Variants in GCA observed in about 807,000 individuals in gnomAD.
GCA encodes grancalcin, EF-hand calcium-binding protein.
GCA carries 30 observed loss-of-function variants against 32.6 expected under a neutral mutation model. The observed-to-expected ratio is 0.92, with a 90% confidence interval of 0.69 to 1.25. GCA has a LOEUF of 1.25. Among genes scored for constraint, GCA ranks in the 50% most tolerant of loss-of-function variants. GCA has a pLI of 0.00. For synonymous variants in GCA, 102 were observed against 84.6 expected (o/e 1.21, Z -1.13); for missense variants, 291 against 266.8 (o/e 1.09, Z -0.63).
intron 1 of GCA, among the ~76,000 whole-genome samples, chr2:162,334,346 CT>C (rs1339422955): frequency 3.3e-5 from 5 of 151,876 alleles, no homozygotes; most frequent in Admixed American, 1.3e-4. Context: ...ATAATTTCAA[CT>C]TAAAAAACAT....
At chr2:162,371,960 G>A (rs1221178953), downstream of GCA, 1 of 1,613,848 alleles carries the variant, frequency 6.2e-7, no homozygotes, top group Non-Finnish European at 8.5e-7. Flanking sequence ...CGCAGGTGAA[G>A]CTCTAAAGAG....
intron 1 of GCA, among the ~76,000 whole-genome samples, chr2:162,321,111 G>T (rs1231002745): frequency 6.6e-6 from 1 of 152,114 alleles, no homozygotes; most frequent in African/African-American, 2.4e-5. Flanking sequence ...GAGAAAGGAG[G>T]TTAAGGAAAC....
chr2:162,344,222 A>G lies in GCA; in HGVS notation c.-27A>G, dbSNP rs763539843. ...GCACTGCGGACGCGACTCGAGGGTG[A>G]CGCTCGCTCCGCTCGTCCCGCTCGT... On this transcript the variant is annotated 5_prime_UTR_variant, in exon 1 of 8. Transcript: ENST00000437150. 1 of 1,613,426 alleles carries G rather than the reference A, an allele frequency of 6.2e-7. No homozygotes were observed. Among genetic ancestry groups the G allele is most frequent in the African/African-American group, 1.3e-5 (1 of 74,898 alleles).
intron 5 of GCA, among the ~76,000 whole-genome samples, chr2:162,358,153 A>G (rs1237704826): frequency 6.6e-6 from 1 of 151,510 alleles, no homozygotes; most frequent in African/African-American, 2.4e-5. Flanking sequence ...CAAGTCTACA[A>G]ATCCAGTAAT....
At chr2:162,341,835 T>C (rs1684464021), upstream of GCA, among the ~76,000 whole-genome samples, 3 of 152,218 alleles carry the variant, frequency 2.0e-5, no homozygotes, top group South Asian at 2.1e-4. Context: ...CAACTGCATT[T>C]GTGGGTAGTG....
chr2:162,373,025 T>C (rs1284946199), downstream of GCA, among the ~76,000 whole-genome samples: 8 of 152,132 alleles, frequency 5.3e-5, no homozygotes, highest in East Asian at 1.4e-3. Flanking sequence ...CTACTATTTC[T>C]CCTCCCCTTC....
intron 3 of GCA, among the ~76,000 whole-genome samples, chr2:162,354,028 C>T (rs1378907305): frequency 6.6e-6 from 1 of 151,994 alleles, no homozygotes; most frequent in African/African-American, 2.4e-5. Context: ...TGATATTGTC[C>T]CTTATCTCTC....
chr2:162,374,320 T>G (rs758492305), downstream of GCA, among the ~76,000 whole-genome samples: 2 of 152,208 alleles, frequency 1.3e-5, no homozygotes, highest in Non-Finnish European at 2.9e-5. Context: ...AATACCAGTT[T>G]ATTTTTTCCC....
chr2:162,330,967 T>A (rs905680925), intron 1 of GCA, among the ~76,000 whole-genome samples: 3 of 152,222 alleles, frequency 2.0e-5, no homozygotes, highest in Non-Finnish European at 4.4e-5. Context: ...TTTTATTTAG[T>A]ATATATTGTT....
downstream of GCA, chr2:162,371,815 A>G: frequency 6.2e-7 from 1 of 1,602,726 alleles, no homozygotes; most frequent in Non-Finnish European, 8.5e-7. Flanking sequence ...TGTGGAGTAA[A>G]TAGTACAAAA....
upstream of GCA, chr2:162,343,939 A>G (rs1199642132): frequency 1.9e-5 from 7 of 376,090 alleles, no homozygotes; most frequent in African/African-American, 1.0e-4. Flanking sequence ...GGAGCCAGTA[A>G]GAGTCGAGCA....
intron 3 of GCA, among the ~76,000 whole-genome samples, chr2:162,354,318 T>C (rs977408512): frequency 9.2e-5 from 14 of 152,212 alleles, no homozygotes; most frequent in Non-Finnish European, 2.1e-4. Flanking sequence ...GATTCCCTTT[T>C]GGACTGGGTT....
At chr2:162,353,293 C>T (rs1685093891) in intron 3 of GCA, among the ~76,000 whole-genome samples, 2 of 152,104 alleles carry the variant, frequency 1.3e-5, no homozygotes, top group African/African-American at 4.8e-5. Context: ...CATGGTGAAA[C>T]CCCGTCTCTA....
chr2:162,358,736 G>A (rs1685409557), intron 5 of GCA, among the ~76,000 whole-genome samples: 1 of 151,188 alleles, frequency 6.6e-6, no homozygotes, highest in African/African-American at 2.4e-5. Flanking sequence ...AAATATTGAA[G>A]CATTAAAACC....
chr2:162,357,017 C>A, intron 5 of GCA, 112 bp downstream of exon 5: 1 of 688,938 alleles, frequency 1.5e-6, no homozygotes, highest in Non-Finnish European at 2.3e-6. Flanking sequence ...TTTTTGCCAG[C>A]AAGTTCCTTT....
exon 5 of GCA, chr2:162,371,416 G>A (rs1262439028): frequency 4.7e-6 from 6 of 1,287,972 alleles, no homozygotes; most frequent in Non-Finnish European, 6.1e-6. Context: ...CATGAGTTGA[G>A]GATCATCTGA....
chr2:162,344,162 G>C lies in GCA; in HGVS notation c.-87G>C, dbSNP rs377110441. 21 of 1,416,580 alleles carry C rather than the reference G, an allele frequency of 1.5e-5. No individual in the cohort carries two copies. In the African/African-American group the frequency reaches 1.7e-4, roughly 11 times the overall value. 87.8% of individuals were successfully genotyped at this position (1,416,580 alleles called of 1,614,324 possible). A position where few individuals can be genotyped will look rare whatever the true frequency, so the allele number is the denominator to read the frequency against. ...GCCTTTCAGCCTCACCTGCAGCTGC[G>C]CCTCCTTGCACCTGCGCCTGTGCTT... On this transcript the variant is annotated 5_prime_UTR_variant, in exon 1 of 8. Transcript: ENST00000437150.
intron 2 of GCA, among the ~76,000 whole-genome samples, chr2:162,350,690 A>C (rs1352575168): frequency 1.3e-5 from 2 of 152,176 alleles, no homozygotes; most frequent in Non-Finnish European, 2.9e-5. Context: ...TTTAATTGTC[A>C]GCAATAAATT....
chr2:162,361,495 T>C lies in GCA; in HGVS notation c.*1252T>C, dbSNP rs1180326340. The C allele has an allele frequency of 2.1e-6, 2 of 974,964 alleles. No homozygotes were observed. Among genetic ancestry groups the C allele is most frequent in the Non-Finnish European group, 2.4e-6 (2 of 820,638 alleles). 60.4% of individuals were successfully genotyped at this position (974,964 alleles called of 1,614,324 possible). A position where few individuals can be genotyped will look rare whatever the true frequency, so the allele number is the denominator to read the frequency against. On this transcript the variant is annotated 3_prime_UTR_variant, in exon 8 of 8. Coordinates refer to ENST00000437150, the MANE Select transcript of GCA (RefSeq NM_012198.5). ...ACTGCTGACCAAATTAATTTATAGA[T>C]TTTATAAAATCCCATGTTTCTTAAT...
Sources: gnomAD v4.1 joint callset for allele counts (sites outside exome capture counted in the v4.1 genomes callset) on GRCh38, gnomAD v4.1.1 for gene constraint, MANE v1.5 for transcripts, NCBI Gene and HGNC (gene_info 2026-07-23, HGNC 2026-07-21) for gene names.